Variants in SND1 observed in about 807,000 individuals in gnomAD.
SND1 encodes staphylococcal nuclease and tudor domain containing 1, also known as staphylococcal nuclease domain-containing protein 1.
A neutral mutation model predicts 121.7 loss-of-function variants in SND1; 38 were observed. The observed-to-expected ratio is 0.31, with a 90% CI of 0.24 to 0.41. The LOEUF (loss-of-function observed/expected upper bound fraction) is 0.41, where lower values mean the gene tolerates loss of function less well. Among genes scored for constraint, SND1 ranks in the 10% least tolerant of loss-of-function variants. The pLI, the probability that SND1 is intolerant of heterozygous loss-of-function variation, is 1.00. For synonymous variants in SND1, 401 were observed against 447.4 expected, an observed-to-expected ratio of 0.90 and a Z score of 1.31; for missense variants, 868 against 1,184.6, an observed-to-expected ratio of 0.73 and a Z score of 3.92.
chr7:128,038,447 G>T (rs748353305), intron 16 of SND1, among the ~76,000 whole-genome samples: 4 of 152,226 alleles, frequency 2.6e-5, no homozygotes, highest in Non-Finnish European at 4.4e-5. Flanking sequence ...TCATGCTATT[G>T]TTGAACTAGA....
At chr7:127,694,086 G>T (rs1027604771) in intron 2 of SND1, among the ~76,000 whole-genome samples, 2 of 152,322 alleles carry the variant, frequency 1.3e-5, no homozygotes, top group Middle Eastern at 6.8e-3. Context: ...TTTGTCAGGG[G>T]CTGTTACTGG....
intron 12 of SND1, among the ~76,000 whole-genome samples, chr7:127,882,427 AGGG>A (rs1342036817): frequency 3.6e-3 from 74 of 20,704 alleles, no homozygotes; most frequent in African/African-American, 3.9e-3. Context: ...AGAGGAGAGG[AGGG>A]GAGGGGAGGG....
intron 14 of SND1, among the ~76,000 whole-genome samples, chr7:127,926,538 A>ATTTTCT (rs1800836958): frequency 3.0e-5 from 3 of 98,818 alleles, no homozygotes; most frequent in South Asian, 3.2e-4. Flanking sequence ...TATGCCTTTG[A>ATTTTCT]TTTTCTTTTT....
intron 11 of SND1, among the ~76,000 whole-genome samples, chr7:127,839,467 G>A (rs1798925521): frequency 1.3e-5 from 2 of 152,072 alleles, no homozygotes; most frequent in Admixed American, 6.6e-5. Context: ...TTTATGCTTA[G>A]GTAGTTCACT....
intron 7 of SND1, among the ~76,000 whole-genome samples, chr7:127,703,988 A>T (rs546570870): frequency 1.3e-5 from 2 of 152,190 alleles, no homozygotes; most frequent in Non-Finnish European, 2.9e-5. Flanking sequence ...TAGATCAATG[A>T]TGAGGAAACT....
chr7:127,873,735 C>T (rs1394358942), intron 12 of SND1, among the ~76,000 whole-genome samples: 1 of 152,074 alleles, frequency 6.6e-6, no homozygotes, highest in Non-Finnish European at 1.5e-5. Context: ...TTCCTTGAAC[C>T]CCTAGACTCA....
At chr7:127,818,018 AT>A (rs1798479819) in intron 11 of SND1, among the ~76,000 whole-genome samples, 1 of 151,996 alleles carries the variant, frequency 6.6e-6, no homozygotes, top group African/African-American at 2.4e-5. Flanking sequence ...CATATGGAAG[AT>A]TTGGATATGG....
intron 17 of SND1, among the ~76,000 whole-genome samples, chr7:128,075,664 G>A (rs1793494901): frequency 6.6e-6 from 1 of 152,200 alleles, no homozygotes; most frequent in African/African-American, 2.4e-5. Flanking sequence ...CCCCTTGGTG[G>A]TAGAGGAGAG....
At chr7:127,941,429 T>C (rs1801198405) in intron 15 of SND1, among the ~76,000 whole-genome samples, 1 of 152,174 alleles carries the variant, frequency 6.6e-6, no homozygotes, top group South Asian at 2.1e-4. Flanking sequence ...CCCTCGTAAC[T>C]CCCATGCTTA....
At chr7:127,860,800 G>A (rs550385333) in intron 12 of SND1, among the ~76,000 whole-genome samples, 4 of 152,184 alleles carry the variant, frequency 2.6e-5, no homozygotes, top group Admixed American at 2.0e-4. Flanking sequence ...TGTGTATCTC[G>A]AAGTAATAAA....
intron 16 of SND1, among the ~76,000 whole-genome samples, chr7:128,021,358 A>C (rs149635413): frequency 7.3e-4 from 111 of 152,328 alleles, no homozygotes; most frequent in Middle Eastern, 3.4e-3. Flanking sequence ...ACACAGCTGC[A>C]TGATCCAGGG....
intron 5 of SND1, among the ~76,000 whole-genome samples, chr7:127,702,001 A>G (rs1324179701): frequency 1.3e-5 from 2 of 152,170 alleles, no homozygotes; most frequent in African/African-American, 4.8e-5. Context: ...TGTGAAACCT[A>G]TGGATATAGA....
intron 14 of SND1, among the ~76,000 whole-genome samples, chr7:127,910,468 A>T (rs894819222): frequency 6.6e-6 from 1 of 152,138 alleles, no homozygotes; most frequent in Non-Finnish European, 1.5e-5. Flanking sequence ...GAATTAAAAA[A>T]AGAAAAAAGT....
At chr7:127,983,541 T>G (rs1802315896) in intron 15 of SND1, among the ~76,000 whole-genome samples, 1 of 152,120 alleles carries the variant, frequency 6.6e-6, no homozygotes, top group East Asian at 1.9e-4. Context: ...TGAGCACCCC[T>G]TTATCTGCTA....
intron 12 of SND1, among the ~76,000 whole-genome samples, chr7:127,879,574 G>A (rs1799752014): frequency 1.3e-5 from 2 of 152,146 alleles, no homozygotes; most frequent in East Asian, 3.9e-4. Context: ...TTCTAGATCA[G>A]CCCCATGGTA....
intron 16 of SND1, among the ~76,000 whole-genome samples, chr7:128,073,382 A>G (rs1793447446): frequency 1.3e-5 from 2 of 152,200 alleles, no homozygotes; most frequent in South Asian, 4.1e-4. Flanking sequence ...GTGGGCCTCA[A>G]GGACGCAGAG....
At chr7:127,724,587 A>G (rs549776580) in intron 10 of SND1, among the ~76,000 whole-genome samples, 12 of 152,358 alleles carry the variant, frequency 7.9e-5, no homozygotes, top group African/African-American at 2.9e-4. Flanking sequence ...GGGAGTGTTA[A>G]GAAATGGGCC....
At chr7:127,877,428 T>C (rs940783075) in intron 12 of SND1, among the ~76,000 whole-genome samples, 1 of 152,102 alleles carries the variant, frequency 6.6e-6, no homozygotes, top group African/African-American at 2.4e-5. Flanking sequence ...TTGTTGTTCT[T>C]TCCTGAGATC....
At chr7:127,770,467 T>C (rs181047540) in intron 10 of SND1, among the ~76,000 whole-genome samples, 1 of 151,802 alleles carries the variant, frequency 6.6e-6, no homozygotes, top group Admixed American at 6.6e-5. Context: ...TAGATCACTT[T>C]ACCTGCACTA....
Sources: gnomAD v4.1 joint callset for allele counts (sites outside exome capture counted in the v4.1 genomes callset) on GRCh38, gnomAD v4.1.1 for gene constraint, MANE v1.5 for transcripts, NCBI Gene and HGNC (gene_info 2026-07-23, HGNC 2026-07-21) for gene names.